NTRK3: variants seen among roughly 807,000 people sequenced by gnomAD.
The protein encoded by NTRK3 is neurotrophic receptor tyrosine kinase 3.
NTRK3 carries 24 observed loss-of-function variants against 91.7 expected under a neutral mutation model. That is an observed-to-expected ratio of 0.26 (90% confidence interval 0.19 to 0.37). The LOEUF (loss-of-function observed/expected upper bound fraction) is 0.37, where lower values mean the gene tolerates loss of function less well. Ranked by LOEUF, NTRK3 falls within the 10% of genes least tolerant of loss-of-function variation. NTRK3 has a pLI of 1.00. For missense variants in NTRK3, 880 were observed against 1,068.9 expected, an observed-to-expected ratio of 0.82 and a Z score of 2.46; for synonymous variants, 483 against 404.0, an observed-to-expected ratio of 1.20 and a Z score of -2.34.
intron 13 of NTRK3, among the ~76,000 whole-genome samples, chr15:88,035,788 C>T (rs2079019862): frequency 2.0e-5 from 3 of 152,270 alleles, no homozygotes; most frequent in Admixed American, 2.0e-4. Flanking sequence ...AAAAAAACTA[C>T]TAATATCCTC....
intron 13 of NTRK3, among the ~76,000 whole-genome samples, chr15:88,067,205 A>C (rs2046725101): frequency 6.6e-6 from 1 of 152,148 alleles, no homozygotes. Flanking sequence ...ACAGCCCCTC[A>C]GAGTTGTACA....
At chr15:87,875,454 T>G (rs996213729) in exon 19 of NTRK3, 1 of 231,904 alleles carries the variant, frequency 4.3e-6, no homozygotes, top group African/African-American at 2.2e-5. Context: ...CCAGCACAGA[T>G]GTTTCCTTCC....
rs555083085 is a variant in NTRK3, at chr15:87,876,246, C to T, written c.*689G>A. 476 of 232,610 alleles carry T rather than the reference C, an allele frequency of 2.0e-3. 1 individual carries two copies. The highest frequency in any genetic ancestry group is 2.9e-3 in the Non-Finnish European group (346 of 117,658). 14.4% of individuals were successfully genotyped at this position (232,610 alleles called of 1,614,324 possible). A position where few individuals can be genotyped will look rare whatever the true frequency, so the allele number is the denominator to read the frequency against. On this transcript the variant is annotated 3_prime_UTR_variant, in exon 19 of 19. Coordinates refer to ENST00000394480, the Ensembl canonical transcript of NTRK3. ...TGGGGTTGTCTGTTCTGTGTTTACCCGTAGGTGCCATCATTGATTCCCAAA... is the reference window on the plus strand; with the variant it reads ...TGGGGTTGTCTGTTCTGTGTTTACCTGTAGGTGCCATCATTGATTCCCAAA...
chr15:88,118,625 T>C (rs866469243), intron 13 of NTRK3, among the ~76,000 whole-genome samples: 1 of 152,232 alleles, frequency 6.6e-6, no homozygotes, highest in South Asian at 2.1e-4. Flanking sequence ...AATTTACTAT[T>C]ATTCTTAGCT....
chr15:88,230,856 T>C (rs1044513881), intron 3 of NTRK3, among the ~76,000 whole-genome samples: 11 of 152,148 alleles, frequency 7.2e-5, no homozygotes, highest in Non-Finnish European at 1.5e-4. Flanking sequence ...CCAATATTAA[T>C]AAAGCTCTCA....
chr15:87,900,292 G>A (rs952245482), intron 17 of NTRK3, among the ~76,000 whole-genome samples: 9 of 152,180 alleles, frequency 5.9e-5, no homozygotes, highest in African/African-American at 2.2e-4. Flanking sequence ...TGCCAGGAAA[G>A]GGGCATCTAT....
exon 19 of NTRK3, chr15:87,866,457 C>CTA (rs946891078): frequency 3.6e-5 from 6 of 167,428 alleles, no homozygotes; most frequent in Non-Finnish European, 5.1e-5. Flanking sequence ...ACACACACCC[C>CTA]TATATATATG....
rs2067393238 is a variant in NTRK3 at position 87,915,623 on chromosome 15, T to A, written c.2133+13568A>T. The stretch of plus-strand genomic sequence containing the variant: ...CCCTAAATTCTCTTGAGTAGGTTCT[T>A]CTCCTCTCTAAATTTAGTATCCAGC... On this transcript the variant is annotated intron_variant, in intron 17 of 18. Coordinates refer to ENST00000394480, the Ensembl canonical transcript of NTRK3. Among the ~76,000 whole-genome samples the A allele has an allele frequency of 3.3e-5, 5 of 152,168 alleles. No homozygotes were observed. In the South Asian group the frequency reaches 1.0e-3, roughly 32 times the overall value.
rs974507692 is a variant in NTRK3, at chr15:87,958,004, G to A, written c.1586-17251C>T. On this transcript the variant is annotated intron_variant, in intron 14 of 18. Coordinates refer to ENST00000394480, the Ensembl canonical transcript of NTRK3. ...CTATAAGCTTGGGGGTGGCCTGTTG[G>A]TGGGGTGGCTGGAGGTCTTTTAGAG... is the stretch of plus-strand genomic sequence containing the variant. Among the ~76,000 whole-genome samples, 4 of 152,172 alleles carry A rather than the reference G, an allele frequency of 2.6e-5. No individual in the cohort carries two copies. In the South Asian group the frequency reaches 8.3e-4, roughly 32 times the overall value.
chr15:88,107,614 C>T (rs1298340579), intron 13 of NTRK3, among the ~76,000 whole-genome samples: 2 of 152,154 alleles, frequency 1.3e-5, no homozygotes, highest in South Asian at 2.1e-4. Context: ...AAAGCCCTCC[C>T]TGGCCCAATT....
intron 18 of NTRK3, among the ~76,000 whole-genome samples, chr15:87,879,868 G>A (rs1432027841): frequency 6.6e-6 from 1 of 151,992 alleles, no homozygotes; most frequent in African/African-American, 2.4e-5. Flanking sequence ...TACATCCCTG[G>A]GCTTGGCATA....
At chr15:88,047,795 G>A (rs925652539) in intron 13 of NTRK3, among the ~76,000 whole-genome samples, 2 of 152,142 alleles carry the variant, frequency 1.3e-5, no homozygotes, top group Non-Finnish European at 2.9e-5. Flanking sequence ...CATTAATAGA[G>A]CCCCCTTTGG....
chr15:87,876,832 T>A, exon 19 of NTRK3: 1 of 1,305,682 alleles, frequency 7.7e-7, no homozygotes, highest in Non-Finnish European at 1.1e-6. Context: ...TATATGAAGA[T>A]GTTCGCTTCA....
At chr15:88,245,786 C>T (rs1199891800) in intron 3 of NTRK3, among the ~76,000 whole-genome samples, 1 of 152,140 alleles carries the variant, frequency 6.6e-6, no homozygotes, top group African/African-American at 2.4e-5. Flanking sequence ...TGAGGATCAA[C>T]AAGGTCAAGT....
intron 17 of NTRK3, among the ~76,000 whole-genome samples, chr15:87,905,827 C>T (rs143991209): frequency 3.9e-5 from 6 of 152,256 alleles, no homozygotes; most frequent in African/African-American, 1.4e-4. Flanking sequence ...CCACCTCAGC[C>T]GAGGATGGAA....
At chr15:88,109,035 T>G (rs994772902) in intron 13 of NTRK3, among the ~76,000 whole-genome samples, 7 of 152,234 alleles carry the variant, frequency 4.6e-5, no homozygotes, top group Non-Finnish European at 7.3e-5. Context: ...TGGAAATTTA[T>G]GGCAATAACA....
intron 17 of NTRK3, among the ~76,000 whole-genome samples, chr15:87,902,972 T>C (rs1272084358): frequency 2.0e-5 from 3 of 151,368 alleles, no homozygotes; most frequent in African/African-American, 4.8e-5. Context: ...CCATAAAGCC[T>C]CACAGGACAC....
intron 17 of NTRK3, among the ~76,000 whole-genome samples, chr15:87,896,331 C>T (rs935466445): frequency 2.6e-5 from 4 of 151,924 alleles, no homozygotes; most frequent in African/African-American, 4.8e-5. Flanking sequence ...ATTAGCTGGG[C>T]GTGGTGGCGC....
chr15:87,877,195 G>C (rs2141440170), intron 18 of NTRK3, 75 bp from the exon 20 acceptor site: 1 of 1,479,250 alleles, frequency 6.8e-7, no homozygotes, highest in Non-Finnish European at 9.3e-7. Flanking sequence ...TCGGCAAAAA[G>C]CAACAACTTC....
Sources: allele counts gnomAD v4.1 joint callset (sites outside exome capture counted in the v4.1 genomes callset), GRCh38; gene constraint gnomAD v4.1.1; transcripts MANE v1.5; gene names NCBI Gene and HGNC (gene_info 2026-07-23, HGNC 2026-07-21).